Variants in POLM observed in about 807,000 individuals in gnomAD.
POLM encodes the protein DNA polymerase mu, also known as DNA-directed DNA/RNA polymerase mu.
In POLM, 52 loss-of-function variants were observed where a neutral mutation model predicts 56.7. The observed-to-expected ratio is 0.92, with a 90% CI of 0.73 to 1.15. The LOEUF (loss-of-function observed/expected upper bound fraction) is 1.15, where lower values mean the gene tolerates loss of function less well. Among genes scored for constraint, POLM ranks in the 50% most tolerant of loss-of-function variants. The probability of loss-of-function intolerance (pLI) is 0.00; values close to 1 mark genes in which losing one functional copy is unlikely to be tolerated. For missense variants in POLM, 660 were observed against 663.6 expected (o/e 0.99, Z 0.06); for synonymous variants, 273 against 274.3 (o/e 1.00, Z 0.05).
rs2096202151 is a variant in POLM, at chr7:44,082,239, G to GCCGCC, written c.188+7_188+11dup. ...GCCATGGAAGCCCTCGCCGCGCCGC[G>GCCGCC]CCGCCCCGCACCTGCAGGCGTCAAG... On this transcript the variant is annotated intron_variant, in intron 1 of 10. Transcript: ENST00000242248. 1 of 1,438,314 alleles carries GCCGCC rather than the reference G, an allele frequency of 7.0e-7. No individual in the cohort carries two copies. The highest frequency in any genetic ancestry group is 1.5e-5 in the African/African-American group (1 of 66,116). The allele number at this position is 1,438,314 out of a possible 1,614,324, so 89.1% of individuals were successfully genotyped here. A position where few individuals can be genotyped will look rare whatever the true frequency, so the allele number is the denominator to read the frequency against.
rs1259643666 is a variant in POLM at position 44,073,675 on chromosome 7, T to C, written c.1348A>G (p.Lys450Glu). 13 of 1,614,068 alleles carry C rather than the reference T, an allele frequency of 8.1e-6. No homozygotes were observed. The highest frequency in any genetic ancestry group is 1.1e-5 in the Non-Finnish European group (13 of 1,180,034). The change falls in exon 10 of 11, where the codon AAG becomes GAG. Residue 450 changes from lysine (K) to glutamate (E), a missense_variant. Physicochemically the swap from Lys to Glu is moderately conservative, Grantham distance 56 (BLOSUM62 1). Transcript: ENST00000242248. ...CTGTTCAGCCACAGGCCCTTCTCCT[T>C]CCGGCTGAAGCGGCGCAGCTCCCGC... ...FQRELRRFSRKEKGLWLNSHG... is the reference protein window; with the variant it reads ...FQRELRRFSREEKGLWLNSHG...
In POLM at chr7:44,078,769, G is replaced by A. The variant is rs140445807; in HGVS notation, c.685C>T (p.Arg229Trp). The A allele has an allele frequency of 1.1e-4, 171 of 1,613,832 alleles. 1 individual carries two copies. Among genetic ancestry groups the A allele is most frequent in the Admixed American group, 2.7e-4 (16 of 59,992 alleles). ...ATGGTCTGGTACCTCTCTGAGCGCC[G>A]AACTCTCTCCACCTCCTCACACACT... ...HGVCEEVERV[R>W]RSERYQTMKL... The change falls in exon 5 of 11, where the codon CGG becomes TGG. Residue 229 changes from arginine (R) to tryptophan (W), a missense_variant. Transcript: ENST00000242248.
chr7:44,077,423 A>AT (rs2128801788), intron 5 of POLM, among the ~76,000 whole-genome samples: 1 of 152,254 alleles, frequency 6.6e-6, no homozygotes, highest in East Asian at 1.9e-4. Flanking sequence ...CCTTTCCTTT[A>AT]TTTTGTGAAC....
At chr7:44,080,240 C>T (rs2096195878) in intron 2 of POLM, 1 of 543,456 alleles carries the variant, frequency 1.8e-6, no homozygotes, top group East Asian at 3.6e-5. Flanking sequence ...ACTCCATCAC[C>T]CCAATCCTCA....
At position 44,076,523 on chromosome 7, in the gene POLM, T is replaced by C; in HGVS notation, c.821A>G (p.Gln274Arg). 6.2e-7 allele frequency: 1 copy of C among 1,613,868 alleles called. No homozygotes were observed. The highest frequency in any genetic ancestry group is 8.5e-7 in the Non-Finnish European group (1 of 1,179,946). Reference sequence around the variant, plus strand: ...GGAGGGCTCACCCGCTTTCTGCTGTTGGGTTAGTTTCTGGGGCTGCTCTCG... The same window carrying C: ...GGAGGGCTCACCCGCTTTCTGCTGTCGGGTTAGTTTCTGGGGCTGCTCTCG... ...DLREQPQKLT[Q>R]QQKAGLQHHQ... Residue 274 changes from glutamine to arginine, a missense_variant, in exon 6 of 11, where the codon CAA (glutamine) becomes CGA (arginine). Transcript: ENST00000242248.
In POLM at chr7:44,082,365, G is replaced by A. The variant is rs1210753316; in HGVS notation, c.74C>T (p.Thr25Met). ...GTAGATGGCGACTCCCGGGAAGCGC[G>A]TCGAGGGCGGCGTGGAGGAAGCGGC... ...GDAASSTPPS[T>M]RFPGVAIYLV... Residue 25 changes from threonine (T) to methionine (M), a missense_variant, in exon 1 of 11, where the codon ACG (threonine) becomes ATG (methionine). Transcript: ENST00000242248. 4 of 1,545,132 alleles carry A rather than the reference G, an allele frequency of 2.6e-6. No homozygotes were observed. Among genetic ancestry groups the A allele is most frequent in the Non-Finnish European group, 3.5e-6 (4 of 1,154,338 alleles).
At chr7:44,073,741 G>A (rs1015190816) in intron 9 of POLM, 33 bp from the exon 10 acceptor site, 1 of 1,614,060 alleles carries the variant, frequency 6.2e-7, no homozygotes, top group Non-Finnish European at 8.5e-7. Flanking sequence ...AGCAGGGCTG[G>A]CCCAGCCCCA....
At chr7:44,076,221 C>T (rs1271743107) in intron 6 of POLM, 2 of 352,462 alleles carry the variant, frequency 5.7e-6, no homozygotes, top group Non-Finnish European at 1.1e-5. Flanking sequence ...CCACACTGGG[C>T]AGTGTGCCCA....
Position 44,082,281 on chromosome 7 carries a change from G to A in POLM, c.158C>T (p.Ser53Phe). The A allele has an allele frequency of 6.5e-7, 1 of 1,529,740 alleles. No homozygotes were observed. Among genetic ancestry groups the A allele is most frequent in the Non-Finnish European group, 8.7e-7 (1 of 1,146,434 alleles). 94.8% of individuals were successfully genotyped at this position (1,529,740 alleles called of 1,614,324 possible). The change falls in exon 1 of 11, where the codon TCC (serine) becomes TTC (phenylalanine). Residue 53 changes from serine to phenylalanine, a missense_variant. Ser to Phe is a radical substitution (Grantham distance 155). Coordinates refer to ENST00000242248, the MANE Select transcript of POLM (RefSeq NM_013284.4). ...RRAFLTGLAR[S>F]KGFRVLDACS... ...GGCGTCAAGGACGCGGAAGCCTTTG[G>A]AGCGCGCCAGGCCTGTGAGGAAGGC...
chr7:44,081,498 T>C (rs1234668483), intron 1 of POLM, among the ~76,000 whole-genome samples: 1 of 152,202 alleles, frequency 6.6e-6, no homozygotes, highest in Non-Finnish European at 1.5e-5. Flanking sequence ...GGGGGAATAC[T>C]AGCCCCAGGT....
Position 44,082,513 on chromosome 7 carries a change from A to T in POLM, c.-75T>A. ...AGCGAGACGGAAGGAAGCCCCAGTG[A>T]GGCTGACGGAAGCGGGTGGGCGGGC... On this transcript the variant is annotated 5_prime_UTR_variant, in exon 1 of 11. Coordinates refer to ENST00000242248, the MANE Select transcript of POLM (RefSeq NM_013284.4). The T allele has an allele frequency of 1.9e-5, 1 of 53,876 alleles. No homozygotes were observed. The highest frequency in any genetic ancestry group is 3.1e-5 in the Non-Finnish European group (1 of 32,434). The allele number at this position is 53,876 out of a possible 1,614,324, so 3.3% of individuals were successfully genotyped here.
Position 44,080,845 on chromosome 7 carries a change from A to ATC in POLM, c.258_259dup (p.Met87ArgfsTer17), listed in dbSNP as rs767380611. ...GGTGCAACCCGGGGGAGCAGCTGCC[A>ATC]TCCTGCGCTCCTGCCAGCTGACGGC... On this transcript the variant is annotated frameshift_variant, in exon 2 of 11. Transcript: ENST00000242248. LOFTEE classifies it high-confidence loss of function. 6 of 1,611,312 alleles carry ATC rather than the reference A, an allele frequency of 3.7e-6. No individual in the cohort carries two copies. The highest frequency in any genetic ancestry group is 5.1e-6 in the Non-Finnish European group (6 of 1,178,774).
chr7:44,082,024 C>T (rs1479760089), intron 1 of POLM, among the ~76,000 whole-genome samples: 7 of 152,292 alleles, frequency 4.6e-5, no homozygotes, highest in South Asian at 2.1e-4. Flanking sequence ...GGATTACAGG[C>T]GTGAGCCACC....
Position 44,072,971 on chromosome 7 carries a change from G to C in POLM, c.*320C>G. ...GGACCACTTGCCATTCATGACTGCAGGCCCCACCACAGCTCCACGATGTGG... is the reference window on the plus strand; with the variant it reads ...GGACCACTTGCCATTCATGACTGCACGCCCCACCACAGCTCCACGATGTGG... On this transcript the variant is annotated 3_prime_UTR_variant, in exon 11 of 11. Transcript: ENST00000242248. 1 of 736,780 alleles carries C rather than the reference G, an allele frequency of 1.4e-6. No individual in the cohort carries two copies. The highest frequency in any genetic ancestry group is 2.1e-6 in the Non-Finnish European group (1 of 476,696). 45.6% of individuals were successfully genotyped at this position (736,780 alleles called of 1,614,324 possible). A position where few individuals can be genotyped will look rare whatever the true frequency, so the allele number is the denominator to read the frequency against.
chr7:44,081,022 T>C, intron 1 of POLM, 106 bp from the exon 2 acceptor site: 1 of 950,298 alleles, frequency 1.1e-6, no homozygotes, highest in African/African-American at 1.7e-5. Context: ...TAAGTGACCA[T>C]TCATCCTGCA....
chr7:44,073,847 A>G lies in POLM; in HGVS notation c.1250T>C (p.Val417Ala). The G allele has an allele frequency of 6.2e-7, 1 of 1,614,112 alleles. No individual in the cohort carries two copies. The highest frequency in any genetic ancestry group is 2.2e-5 in the East Asian group (1 of 44,872). Residue 417 changes from valine to alanine, a missense_variant, in exon 9 of 11, where the codon GTG becomes GCG. Val to Ala is a moderately conservative substitution (Grantham distance 64, BLOSUM62 0). Coordinates refer to ENST00000242248, the MANE Select transcript of POLM (RefSeq NM_013284.4). ...RPCPSWKAVR[V>A]DLVVAPVSQF... ...GCTGACGGGTGCAACTACCAAGTCCACTCTCACGGCCTTCCAGGATGGGCA... is the reference window on the plus strand; with the variant it reads ...GCTGACGGGTGCAACTACCAAGTCCGCTCTCACGGCCTTCCAGGATGGGCA...
Position 44,080,836 on chromosome 7 carries a change from G to A in POLM, c.269C>T (p.Ala90Val). 1.2e-6 allele frequency: 2 copies of A among 1,612,486 alleles called. No individual in the cohort carries two copies. Among genetic ancestry groups the A allele is most frequent in the Non-Finnish European group, 1.7e-6 (2 of 1,179,248 alleles). ...AGCTGGGGGGGTGCAACCCGGGGGAGCAGCTGCCATCCTGCGCTCCTGCCA... is the reference window on the plus strand; with the variant it reads ...AGCTGGGGGGGTGCAACCCGGGGGAACAGCTGCCATCCTGCGCTCCTGCCA... ...VSWQERRMAAAPPGCTPPALL... is the reference protein window; with the variant it reads ...VSWQERRMAAVPPGCTPPALL... Residue 90 changes from alanine to valine, a missense_variant, in exon 2 of 11, where the codon GCT becomes GTT. Coordinates refer to ENST00000242248, the MANE Select transcript of POLM (RefSeq NM_013284.4).
In POLM at chr7:44,074,459, C is replaced by G; in HGVS notation, c.907G>C (p.Glu303Gln). The part of the protein sequence containing the change: ...SDVDALQQVV[E>Q]EAVGQALPGA... ...GGCAGGGCCTGCCCCACAGCTTCCT[C>G]CACCACCTGCTGCAGGGCATCTACA... The change falls in exon 7 of 11, where the codon GAG becomes CAG. Residue 303 changes from glutamate to glutamine, a missense_variant. By Grantham distance (29) the Glu-to-Gln change is conservative. Transcript: ENST00000242248. 3 of 1,587,012 alleles carry G rather than the reference C, an allele frequency of 1.9e-6. No individual in the cohort carries two copies. The highest frequency in any genetic ancestry group is 2.6e-6 in the Non-Finnish European group (3 of 1,167,104).
rs528879370 is a variant in POLM, at chr7:44,073,027, C to T, written c.*264G>A. The T allele has an allele frequency of 1.0e-5, 13 of 1,279,446 alleles. No individual in the cohort carries two copies. In the East Asian group the frequency reaches 1.3e-4, roughly 13 times the overall value. 79.3% of individuals were successfully genotyped at this position (1,279,446 alleles called of 1,614,324 possible). A position where few individuals can be genotyped will look rare whatever the true frequency, so the allele number is the denominator to read the frequency against. ...ACTCACATCCCATCCAGGGCAGGAA[C>T]GTGAGCCATGGGGAGGCTAAGAGCA... On this transcript the variant is annotated 3_prime_UTR_variant, in exon 11 of 11. Transcript: ENST00000242248.
Sources: gnomAD v4.1 joint callset for allele counts (sites outside exome capture counted in the v4.1 genomes callset) on GRCh38, gnomAD v4.1.1 for gene constraint, MANE v1.5 for transcripts, NCBI Gene and HGNC (gene_info 2026-07-23, HGNC 2026-07-21) for gene names.